Variants in SPAST observed in about 807,000 individuals in gnomAD.
SPAST encodes spastic paraplegia 4 (autosomal dominant; spastin).
Under a neutral mutation model 76.6 loss-of-function variants are expected in SPAST, and 30 were observed. The observed-to-expected ratio is 0.39, with a 90% CI of 0.29 to 0.53. SPAST has a LOEUF of 0.53. Ranked by LOEUF, SPAST falls within the 20% of genes least tolerant of loss-of-function variation. The probability of loss-of-function intolerance (pLI) is 0.68; values close to 1 mark genes in which losing one functional copy is unlikely to be tolerated. For synonymous variants in SPAST, 305 were observed against 281.0 expected, an observed-to-expected ratio of 1.09 and a Z score of -0.86; for missense variants, 717 against 770.5, an observed-to-expected ratio of 0.93 and a Z score of 0.82.
intron 4 of SPAST, among the ~76,000 whole-genome samples, chr2:32,100,042 T>A (rs907543039): frequency 6.6e-6 from 1 of 152,146 alleles, no homozygotes; most frequent in African/African-American, 2.4e-5. Context: ...GTGGGATTGG[T>A]GGGTCATATG....
At chr2:32,066,452 G>T (rs1676514995) in intron 1 of SPAST, among the ~76,000 whole-genome samples, 1 of 151,900 alleles carries the variant, frequency 6.6e-6, no homozygotes. Flanking sequence ...GGTGGATCAT[G>T]AGGTCAAGAG....
chr2:32,073,042 A>G (rs1676815278), intron 1 of SPAST, among the ~76,000 whole-genome samples: 1 of 151,958 alleles, frequency 6.6e-6, no homozygotes, highest in Non-Finnish European at 1.5e-5. Context: ...AAAAGCAGCC[A>G]CTGTTAAGGA....
chr2:32,155,315 C>T lies in SPAST; in HGVS notation c.*819C>T, dbSNP rs186529600. The stretch of plus-strand genomic sequence containing the variant: ...TCTGTTGTAGACTGTTAACTTCTTC[C>T]TGATGGAATTTATTTTCTGCAAGAA... On this transcript the variant is annotated 3_prime_UTR_variant, in exon 17 of 17. Coordinates refer to ENST00000315285, the MANE Select transcript of SPAST (RefSeq NM_014946.4). 210 of 152,480 alleles carry T rather than the reference C, an allele frequency of 1.4e-3. 1 individual carries two copies. The highest frequency in any genetic ancestry group is 4.3e-4 in the Non-Finnish European group (29 of 67,938). The allele number at this position is 152,480 out of a possible 1,614,324, so 9.4% of individuals were successfully genotyped here. A position where few individuals can be genotyped will look rare whatever the true frequency, so the allele number is the denominator to read the frequency against.
intron 3 of SPAST, among the ~76,000 whole-genome samples, chr2:32,097,263 TG>T (rs1677951145): frequency 6.6e-6 from 1 of 152,136 alleles, no homozygotes; most frequent in Non-Finnish European, 1.5e-5. Context: ...GAGGGGTTTT[TG>T]TTGTTATTTG....
intron 13 of SPAST, 40 bp downstream of exon 13, chr2:32,141,986 A>G: frequency 1.4e-6 from 2 of 1,437,560 alleles, no homozygotes; most frequent in Non-Finnish European, 2.0e-6. Flanking sequence ...TTTAGAGCAG[A>G]AACAAGAACT....
Position 32,109,982 on chromosome 2 carries a change from T to C in SPAST, c.683-4656T>C, listed in dbSNP as rs116256859. The stretch of plus-strand genomic sequence containing the variant: ...TATGTATATGTATATACATATATAG[T>C]TATATATGTATTAGTTATATCAAAA... On this transcript the variant is annotated intron_variant, in intron 4 of 16. Transcript: ENST00000315285. 6.0e-3 allele frequency among the ~76,000 whole-genome samples: 887 copies of C among 148,590 alleles called. 18 individuals carry two copies. The highest frequency in any genetic ancestry group is 0.02 in the African/African-American group (831 of 40,828).
Position 32,063,709 on chromosome 2 carries a change from T to C in SPAST, c.-123T>C, listed in dbSNP as rs1676375572. ...CGGGCAGCGTGCGGCAGTGCGGAGC[T>C]CCTGAGACCGGCGGGCACACGGGGG... On this transcript the variant is annotated 5_prime_UTR_variant, in exon 1 of 17. Transcript: ENST00000315285. The C allele has an allele frequency of 7.4e-7, 1 of 1,342,632 alleles. No homozygotes were observed. Among genetic ancestry groups the C allele is most frequent in the African/African-American group, 1.5e-5 (1 of 67,746 alleles). 83.2% of individuals were successfully genotyped at this position (1,342,632 alleles called of 1,614,324 possible). A position where few individuals can be genotyped will look rare whatever the true frequency, so the allele number is the denominator to read the frequency against.
rs549423221 is a variant in SPAST, at chr2:32,114,943, T to G, written c.870+118T>G. ...ATAATACTTTAGAGAATGGATAAGT[T>G]TCCATAAAGTTAAATTTTTTTTTTT... On this transcript the variant is annotated intron_variant, in intron 5 of 16. Coordinates refer to ENST00000315285, the MANE Select transcript of SPAST (RefSeq NM_014946.4). The G allele has an allele frequency of 5.4e-6, 4 of 745,418 alleles. No individual in the cohort carries two copies. In the South Asian group the frequency reaches 6.7e-5, roughly 12 times the overall value. 46.2% of individuals were successfully genotyped at this position (745,418 alleles called of 1,614,324 possible).
intron 7 of SPAST, among the ~76,000 whole-genome samples, chr2:32,117,830 C>T (rs1384664320): frequency 6.6e-6 from 1 of 152,028 alleles, no homozygotes; most frequent in African/African-American, 2.4e-5. Context: ...CTGTGCCTGG[C>T]ATGAAGAACA....
At chr2:32,138,951 A>T (rs988681865) in intron 12 of SPAST, among the ~76,000 whole-genome samples, 2 of 152,116 alleles carry the variant, frequency 1.3e-5, no homozygotes, top group Non-Finnish European at 2.9e-5. Context: ...TGTCAGTCTT[A>T]TCAAAGATCA....
At chr2:32,135,360 A>G (rs898612589) in intron 9 of SPAST, among the ~76,000 whole-genome samples, 2 of 148,576 alleles carry the variant, frequency 1.3e-5, no homozygotes, top group Admixed American at 1.3e-4. Flanking sequence ...CGATCTCCTG[A>G]CCTCGTGATC....
chr2:32,103,322 T>C (rs1389934087), intron 4 of SPAST, among the ~76,000 whole-genome samples: 1 of 152,166 alleles, frequency 6.6e-6, no homozygotes, highest in Non-Finnish European at 1.5e-5. Context: ...ATCCCCTTTA[T>C]CATTTCTTAT....
At chr2:32,152,473 C>G in intron 16 of SPAST, among the ~76,000 whole-genome samples, 1 of 151,930 alleles carries the variant, frequency 6.6e-6, no homozygotes, top group Non-Finnish European at 1.5e-5. Flanking sequence ...GGGAGGATCT[C>G]TTAAGCCTGG....
rs1680243014 is a variant in SPAST, at chr2:32,156,075, G to A, written c.*1579G>A. ...TTTTTTGAGACAGAGTTTCGCTCTT[G>A]TTGCCCAGGCTGGAGTGCAATGGCG... is the stretch of plus-strand genomic sequence containing the variant. On this transcript the variant is annotated 3_prime_UTR_variant, in exon 17 of 17. Transcript: ENST00000315285. The A allele has an allele frequency of 7.0e-6, 1 of 142,924 alleles. No homozygotes were observed. Among genetic ancestry groups the A allele is most frequent in the South Asian group, 2.2e-4 (1 of 4,604 alleles). The allele number at this position is 142,924 out of a possible 1,614,324, so 8.9% of individuals were successfully genotyped here. A position where few individuals can be genotyped will look rare whatever the true frequency, so the allele number is the denominator to read the frequency against.
chr2:32,104,107 A>G (rs1004227962), intron 4 of SPAST, among the ~76,000 whole-genome samples: 1 of 152,108 alleles, frequency 6.6e-6, no homozygotes, highest in Non-Finnish European at 1.5e-5. Context: ...GTAGGTCTCT[A>G]GGGACTTGCT....
chr2:32,066,889 A>T (rs573167702), intron 1 of SPAST, among the ~76,000 whole-genome samples: 1 of 143,118 alleles, frequency 7.0e-6, no homozygotes, highest in East Asian at 2.1e-4. Flanking sequence ...TAGGAGGATC[A>T]CTTGAGCTCA....
chr2:32,078,671 G>A (rs571098310), intron 1 of SPAST, among the ~76,000 whole-genome samples: 4 of 152,128 alleles, frequency 2.6e-5, no homozygotes, highest in East Asian at 1.9e-4. Flanking sequence ...GTAAAATAGT[G>A]CACAAGTATA....
chr2:32,144,319 G>T (rs1170602544), intron 14 of SPAST, among the ~76,000 whole-genome samples: 4 of 152,162 alleles, frequency 2.6e-5, no homozygotes, highest in Admixed American at 2.6e-4. Flanking sequence ...AGAAGTAATT[G>T]TGTTTATGTG....
chr2:32,099,608 A>G (rs1678044985), intron 4 of SPAST, among the ~76,000 whole-genome samples: 1 of 152,126 alleles, frequency 6.6e-6, no homozygotes, highest in African/African-American at 2.4e-5. Flanking sequence ...GTATATGGTG[A>G]TTAGATCAAG....
Sources: allele counts gnomAD v4.1 joint callset (sites outside exome capture counted in the v4.1 genomes callset), GRCh38; gene constraint gnomAD v4.1.1; transcripts MANE v1.5; gene names NCBI Gene and HGNC (gene_info 2026-07-23, HGNC 2026-07-21).